The following GNAI2 variants were observed in gnomAD, a reference collection of about 807,000 sequenced individuals.
GNAI2 encodes guanine nucleotide-binding protein G(i) subunit alpha-2.
A neutral mutation model predicts 36.8 loss-of-function variants in GNAI2; 4 were observed. The ratio of observed to expected loss-of-function variants is 0.11; its 90% CI spans 0.05 to 0.25. The LOEUF is 0.25. GNAI2 is among the 10% of genes least tolerant of loss of function. GNAI2 has a pLI of 1.00. For missense variants in GNAI2, 230 were observed against 481.3 expected, an observed-to-expected ratio of 0.48 and a Z score of 4.89; for synonymous variants, 194 against 194.1, an observed-to-expected ratio of 1.00 and a Z score of 0.01.
At chr3:50,232,020 G>A (rs1303325758), upstream of GNAI2, among the ~76,000 whole-genome samples, 1 of 149,926 alleles carries the variant, frequency 6.7e-6, no homozygotes, top group Non-Finnish European at 1.5e-5. Flanking sequence ...AACATGGTGA[G>A]ACTTCATCTC....
Position 50,256,967 on chromosome 3 carries a change from G to A in GNAI2, c.754G>A (p.Asp252Asn). 2 of 1,614,134 alleles carry A rather than the reference G, an allele frequency of 1.2e-6. No individual in the cohort carries two copies. The highest frequency in any genetic ancestry group is 1.7e-6 in the Non-Finnish European group (2 of 1,180,006). Residue 252 changes from aspartate to asparagine, a missense_variant, in exon 7 of 9, where the codon GAT becomes AAT. By Grantham distance (23) the Asp-to-Asn change is conservative. This residue lies in a region of GNAI2 where 30 missense variants were observed against 128.7 expected (regional missense o/e 0.23). Coordinates refer to ENST00000313601, the MANE Select transcript of GNAI2 (RefSeq NM_002070.4). ...CATGCATGAGAGCATGAAGCTATTC[G>A]ATAGCATCTGCAACAACAAGTGGTT... ...NRMHESMKLF[D>N]SICNNKWFTD...
chr3:50,228,055 T>C (rs1473085937), upstream of GNAI2, among the ~76,000 whole-genome samples: 1 of 152,184 alleles, frequency 6.6e-6, no homozygotes, highest in East Asian at 1.9e-4. Flanking sequence ...CGCCCAAACC[T>C]GCTGGAGGAA....
At chr3:50,244,172 G>A (rs1401060543) in intron 1 of GNAI2, among the ~76,000 whole-genome samples, 1 of 151,984 alleles carries the variant, frequency 6.6e-6, no homozygotes, top group Non-Finnish European at 1.5e-5. Context: ...GTGACTACAG[G>A]TACGTGCCAC....
Position 50,252,061 on chromosome 3 carries a change from C to A in GNAI2, c.119-39C>A. 1 of 1,607,046 alleles carries A rather than the reference C, an allele frequency of 6.2e-7. No individual in the cohort carries two copies. Among genetic ancestry groups the A allele is most frequent in the Non-Finnish European group, 8.5e-7 (1 of 1,174,002 alleles). ...TTTGTTCTGTGCCTGTGGAGCCCCT[C>A]TGGGCCTGCCCCCTGACCACCTGTG... On this transcript the variant is annotated intron_variant, in intron 1 of 8. Coordinates refer to ENST00000313601, the MANE Select transcript of GNAI2 (RefSeq NM_002070.4). The surrounding 1 kb of genome is among the most constrained non-coding windows in gnomAD (Gnocchi z 4.1).
intron 8 of GNAI2, 79 bp downstream of exon 8, chr3:50,257,793 G>A (rs1700743379): frequency 1.6e-6 from 1 of 641,060 alleles, no homozygotes; most frequent in Non-Finnish European, 2.6e-6. Context: ...TCTGGGGGTG[G>A]GTAGGGGGGT....
exon 1 of GNAI2, chr3:50,230,850 G>T: frequency 1.0e-6 from 1 of 985,560 alleles, no homozygotes; most frequent in Non-Finnish European, 1.2e-6. Context: ...CTAGGCAGCT[G>T]CCCTCTGCCC....
intron 1 of GNAI2, among the ~76,000 whole-genome samples, chr3:50,240,635 G>A (rs983119242): frequency 2.0e-5 from 3 of 152,078 alleles, no homozygotes; most frequent in Non-Finnish European, 4.4e-5. Context: ...GGGTGAGGGA[G>A]GCCAGGCGCG....
At position 50,241,471 on chromosome 3, in the gene GNAI2, C is replaced by A. The variant is rs1700298577; in HGVS notation, c.118+5018C>A. On this transcript the variant is annotated intron_variant, in intron 1 of 8. Transcript: ENST00000313601. The surrounding 1 kb of genome is among the most constrained non-coding windows in gnomAD (Gnocchi z 5.0). ...TCTGCTAGGCTCAGCCCCTGCCTCT[C>A]ACGCCAGTGTCAGTGCAGCCAACAT... Among the ~76,000 whole-genome samples the A allele has an allele frequency of 6.6e-6, 1 of 152,232 alleles. No homozygotes were observed. Among genetic ancestry groups the A allele is most frequent in the Non-Finnish European group, 1.5e-5 (1 of 68,028 alleles).
intron 4 of GNAI2, among the ~76,000 whole-genome samples, chr3:50,254,203 T>G (rs1295399477): frequency 1.3e-5 from 2 of 152,142 alleles, no homozygotes; most frequent in Non-Finnish European, 2.9e-5. Flanking sequence ...CTTGGACTGG[T>G]GCAGGGTGCT....
chr3:50,258,869 C>G lies in GNAI2; in HGVS notation c.*526C>G, dbSNP rs1553703688. The G allele has an allele frequency of 1.4e-5, 6 of 440,872 alleles. No homozygotes were observed. The highest frequency in any genetic ancestry group is 2.2e-5 in the Non-Finnish European group (5 of 223,232). 27.3% of individuals were successfully genotyped at this position (440,872 alleles called of 1,614,324 possible). A position where few individuals can be genotyped will look rare whatever the true frequency, so the allele number is the denominator to read the frequency against. On this transcript the variant is annotated 3_prime_UTR_variant, in exon 9 of 9. Transcript: ENST00000313601. ...AAACCACAGTCCACCTGCTCATTCT[C>G]GTAGCTTTTTAAAAAAATGAAAGTA...
rs1553702972 is a variant in GNAI2 at position 50,255,054 on chromosome 3, G to A, written c.465-1138G>A. ...CAGTAGGGGGCGGGGCATGGTATGC[G>A]GGTCACAGCACATGCGTCATCCTTC... is the stretch of plus-strand genomic sequence containing the variant. On this transcript the variant is annotated intron_variant, in intron 4 of 8. Coordinates refer to ENST00000313601, the MANE Select transcript of GNAI2 (RefSeq NM_002070.4). The surrounding 1 kb of genome is among the most constrained non-coding windows in gnomAD (Gnocchi z 4.0). 6.6e-6 allele frequency among the ~76,000 whole-genome samples: 1 copy of A among 152,178 alleles called. No individual in the cohort carries two copies. Among genetic ancestry groups the A allele is most frequent in the African/African-American group, 2.4e-5 (1 of 41,444 alleles).
At position 50,236,416 on chromosome 3, in the gene GNAI2, A is replaced by G. The variant is rs1553700393; in HGVS notation, c.81A>G (p.Gly27=). Residue 27 remains glycine, a synonymous_variant, in exon 1 of 9, where the codon GGA becomes GGG. Transcript: ENST00000313601. The surrounding 1 kb of genome is among the most constrained non-coding windows in gnomAD (Gnocchi z 4.0). ...TCGACAAGAACCTGCGGGAGGACGG[A>G]GAGAAGGCGGCGCGGGAGGTGAAGT... ...KMIDKNLRED[G]EKAAREVKLL... 2.5e-6 allele frequency: 4 copies of G among 1,579,792 alleles called. No homozygotes were observed. The South Asian group carries it at 3.4e-5, about 14-fold the overall frequency.
chr3:50,256,469 C>T (rs587680915), intron 5 of GNAI2, 149 bp downstream of exon 5: 2 of 784,904 alleles, frequency 2.5e-6, no homozygotes, highest in Middle Eastern at 2.9e-4. Flanking sequence ...ACCTAGTGAA[C>T]CAGCAGTCAG....
chr3:50,257,428 C>T, intron 7 of GNAI2, 72 bp from the exon 8 acceptor site: 1 of 1,032,418 alleles, frequency 9.7e-7, no homozygotes, highest in Non-Finnish European at 1.4e-6. Context: ...CACGCACAGA[C>T]CCTTGCTGCA....
chr3:50,252,667 C>T lies in GNAI2; in HGVS notation c.303+129C>T, dbSNP rs1700590931. ...CGGGTGGATCACCTGAGGTCAGGAC[C>T]AGCCTGGCCAACTTGGTGAAACCGC... On this transcript the variant is annotated intron_variant, in intron 3 of 8. Coordinates refer to ENST00000313601, the MANE Select transcript of GNAI2 (RefSeq NM_002070.4). This position sits in a 1 kb window ranked among gnomAD's most constrained non-coding sequence, Gnocchi z 4.1. 16 of 743,954 alleles carry T rather than the reference C, an allele frequency of 2.2e-5. No individual in the cohort carries two copies. In the South Asian group the frequency reaches 2.3e-4, roughly 11 times the overall value. The allele number at this position is 743,954 out of a possible 1,614,324, so 46.1% of individuals were successfully genotyped here. A position where few individuals can be genotyped will look rare whatever the true frequency, so the allele number is the denominator to read the frequency against.
intron 1 of GNAI2, chr3:50,251,261 T>C (rs1305240218): frequency 3.2e-6 from 2 of 632,528 alleles, no homozygotes; most frequent in Non-Finnish European, 2.0e-6. Context: ...CAATACTTTA[T>C]TTTTCTGAGC....
chr3:50,258,907 A>T lies in GNAI2; in HGVS notation c.*564A>T, dbSNP rs1553703704. On this transcript the variant is annotated 3_prime_UTR_variant, in exon 9 of 9. Transcript: ENST00000313601. ...AAAAATGAAAGTAAAGGAAAAAAAA[A>T]AAACTGCAAATCTAGAAAACTTTTT... 2.3e-6 allele frequency: 1 copy of T among 443,250 alleles called. No homozygotes were observed. Among genetic ancestry groups the T allele is most frequent in the Non-Finnish European group, 4.5e-6 (1 of 223,618 alleles). 27.5% of individuals were successfully genotyped at this position (443,250 alleles called of 1,614,324 possible).
At position 50,256,234 on chromosome 3, in the gene GNAI2, C is replaced by G; in HGVS notation, c.507C>G (p.Ile169Met). 7.0e-7 allele frequency: 1 copy of G among 1,421,616 alleles called. No homozygotes were observed. Among genetic ancestry groups the G allele is most frequent in the Non-Finnish European group, 9.6e-7 (1 of 1,047,084 alleles). 88.1% of individuals were successfully genotyped at this position (1,421,616 alleles called of 1,614,324 possible). ...DLERIAQSDY[I>M]PTQQDVLRTR... is the part of the protein sequence containing the mutation. Reference sequence around the variant, plus strand: ...AGCGTATTGCACAGAGTGACTACATCCCCACACAGCAAGATGTGCTACGGA... The same window carrying G: ...AGCGTATTGCACAGAGTGACTACATGCCCACACAGCAAGATGTGCTACGGA... The change falls in exon 5 of 9, where the codon ATC becomes ATG. Residue 169 changes from isoleucine to methionine, a missense_variant. By Grantham distance (10) the Ile-to-Met change is conservative. This residue lies in a region of GNAI2 where 132 missense variants were observed against 247.4 expected (regional missense o/e 0.53). Coordinates refer to ENST00000313601, the MANE Select transcript of GNAI2 (RefSeq NM_002070.4).
upstream of GNAI2, among the ~76,000 whole-genome samples, chr3:50,231,288 G>A (rs1188061792): frequency 8.5e-5 from 13 of 152,140 alleles, no homozygotes; most frequent in African/African-American, 2.4e-5. Flanking sequence ...TGGATTGATT[G>A]ATTGATTTTG....
Sources: allele counts gnomAD v4.1 joint callset (sites outside exome capture counted in the v4.1 genomes callset), GRCh38; gene constraint gnomAD v4.1.1; regional missense constraint gnomAD v4.1.1; non-coding constraint Gnocchi (gnomAD v3.1); transcripts MANE v1.5; gene names NCBI Gene and HGNC (gene_info 2026-07-23, HGNC 2026-07-21).